ADAMTSL1: variants seen among roughly 807,000 people sequenced by gnomAD.
ADAMTSL1 encodes ADAMTS like 1, also known as ADAMTS-like protein 1.
A neutral mutation model predicts 201.8 loss-of-function variants in ADAMTSL1; 126 were observed. That is an observed-to-expected ratio of 0.62 (90% CI 0.54 to 0.72). The LOEUF is 0.72. ADAMTSL1 is among the 30% of genes least tolerant of loss of function. The probability of loss-of-function intolerance (pLI) is 0.00; values close to 1 mark genes in which losing one functional copy is unlikely to be tolerated. For missense variants in ADAMTSL1, 2,679 were observed against 2,277.8 expected (o/e 1.18, Z -3.59); for synonymous variants, 1,121 against 903.4 (o/e 1.24, Z -4.32).
chr9:18,645,570 G>A (rs1010494650), intron 7 of ADAMTSL1, among the ~76,000 whole-genome samples: 3 of 151,728 alleles, frequency 2.0e-5, no homozygotes, highest in South Asian at 4.1e-4. Flanking sequence ...TTTGTATAAG[G>A]TGTGAGGAAG....
chr9:18,079,250 T>A (rs141657710), intron 1 of ADAMTSL1, among the ~76,000 whole-genome samples: 1 of 152,364 alleles, frequency 6.6e-6, no homozygotes, highest in East Asian at 1.9e-4. Flanking sequence ...TTAAATCTCA[T>A]AAAGTAATTT....
At chr9:17,927,476 T>C (rs987457557) in intron 1 of ADAMTSL1, among the ~76,000 whole-genome samples, 9 of 151,608 alleles carry the variant, frequency 5.9e-5, no homozygotes, top group African/African-American at 1.9e-4. Context: ...GAATATTTTA[T>C]ATAAATGTAT....
intron 2 of ADAMTSL1, among the ~76,000 whole-genome samples, chr9:18,336,110 C>T (rs2059222844): frequency 6.6e-6 from 1 of 152,064 alleles, no homozygotes; most frequent in Non-Finnish European, 1.5e-5. Context: ...TAAGCCTTAT[C>T]CCAAAACTTA....
intron 1 of ADAMTSL1, among the ~76,000 whole-genome samples, chr9:18,496,877 G>A (rs4961654): frequency 0.41 from 63,094 of 152,052 alleles, 13,219 homozygotes; most frequent in Admixed American, 0.48. Context: ...ACGGACCTCT[G>A]GTTAGATTAG....
rs190540846 is a variant in ADAMTSL1 at position 17,981,905 on chromosome 9, A to T, written c.87+74983A>T. ...TATTTGGGCACCTATTTAGAGTATA[A>T]GACTCCCCACCATGGTTGGACTTTG... On this transcript the variant is annotated intron_variant, in intron 1 of 29. Coordinates refer to the ADAMTSL1 transcript ENST00000680146. Among the ~76,000 whole-genome samples, 4 of 152,294 alleles carry T rather than the reference A, an allele frequency of 2.6e-5. No homozygotes were observed. In the East Asian group the frequency reaches 7.7e-4, roughly 29 times the overall value.
intron 7 of ADAMTSL1, among the ~76,000 whole-genome samples, chr9:18,640,601 C>T (rs1444508474): frequency 6.6e-6 from 1 of 152,076 alleles, no homozygotes. Context: ...ATAGGCACAA[C>T]AAGCCCGACA....
intron 1 of ADAMTSL1, among the ~76,000 whole-genome samples, chr9:18,480,064 G>A (rs957137462): frequency 3.9e-5 from 6 of 152,092 alleles, no homozygotes; most frequent in African/African-American, 1.4e-4. Context: ...TATCCATTTA[G>A]TTCTCAAATA....
intron 2 of ADAMTSL1, among the ~76,000 whole-genome samples, chr9:18,319,695 A>G (rs564200351): frequency 2.8e-4 from 43 of 152,320 alleles, no homozygotes; most frequent in African/African-American, 1.0e-3. Flanking sequence ...TAGATTTCAC[A>G]TGGAAGAACA....
chr9:17,940,602 G>A (rs1827196005), intron 1 of ADAMTSL1, among the ~76,000 whole-genome samples: 1 of 151,358 alleles, frequency 6.6e-6, no homozygotes, highest in East Asian at 2.0e-4. Flanking sequence ...AAGGCATTTG[G>A]AAATGCAAGA....
intron 2 of ADAMTSL1, among the ~76,000 whole-genome samples, chr9:18,214,068 A>ACGTAT (rs1208969469): frequency 6.6e-6 from 1 of 152,108 alleles, no homozygotes; most frequent in Non-Finnish European, 1.5e-5. Context: ...TTAAAATTTT[A>ACGTAT]CGTATTTAGT....
chr9:18,061,124 G>A (rs1822435377), intron 1 of ADAMTSL1, among the ~76,000 whole-genome samples: 1 of 152,110 alleles, frequency 6.6e-6, no homozygotes, highest in Non-Finnish European at 1.5e-5. Context: ...TCAAGGCAGG[G>A]GTTGGAGGGA....
chr9:18,377,931 A>C (rs1301029517), intron 2 of ADAMTSL1, among the ~76,000 whole-genome samples: 1 of 151,946 alleles, frequency 6.6e-6, no homozygotes, highest in African/African-American at 2.4e-5. Flanking sequence ...CTCCCCCTCA[A>C]TTCTGTCTCT....
At chr9:18,800,028 C>G (rs984738972) in intron 20 of ADAMTSL1, among the ~76,000 whole-genome samples, 1 of 152,024 alleles carries the variant, frequency 6.6e-6, no homozygotes, top group East Asian at 1.9e-4. Context: ...CACAGAGGAC[C>G]TAGTCAACAA....
At chr9:18,817,724 A>G (rs944553382) in intron 21 of ADAMTSL1, among the ~76,000 whole-genome samples, 5 of 152,244 alleles carry the variant, frequency 3.3e-5, no homozygotes, top group South Asian at 2.1e-4. Context: ...GGGAAATACT[A>G]GGACAGAAAG....
chr9:18,611,316 A>G (rs553069257), intron 4 of ADAMTSL1, among the ~76,000 whole-genome samples: 2 of 152,294 alleles, frequency 1.3e-5, no homozygotes, highest in Admixed American at 1.3e-4. Context: ...TTTGTTTCGC[A>G]TTCTCCAGAC....
At chr9:18,125,217 T>C (rs1004326796) in intron 1 of ADAMTSL1, among the ~76,000 whole-genome samples, 2 of 152,132 alleles carry the variant, frequency 1.3e-5, no homozygotes, top group African/African-American at 4.8e-5. Context: ...CTTACACGGA[T>C]GGCAGCAGGG....
intron 1 of ADAMTSL1, among the ~76,000 whole-genome samples, chr9:18,080,224 GTGATCAC>G (rs1823431966): frequency 1.3e-5 from 2 of 152,312 alleles, no homozygotes; most frequent in South Asian, 4.1e-4. Flanking sequence ...ACAAAGAGTA[GTGATCAC>G]AAAGTTGGTA....
chr9:18,364,310 A>G (rs1013944044), intron 2 of ADAMTSL1, among the ~76,000 whole-genome samples: 3 of 152,162 alleles, frequency 2.0e-5, no homozygotes, highest in African/African-American at 7.2e-5. Flanking sequence ...ATGACTCTGA[A>G]TAGAAAAATT....
intron 1 of ADAMTSL1, among the ~76,000 whole-genome samples, chr9:17,917,071 A>G (rs886452513): frequency 6.6e-5 from 10 of 152,120 alleles, no homozygotes; most frequent in African/African-American, 1.7e-4. Context: ...TTTTGTTAGT[A>G]TACAAAAATA....
Sources: gnomAD v4.1 joint callset for allele counts (sites outside exome capture counted in the v4.1 genomes callset) on GRCh38, gnomAD v4.1.1 for gene constraint, MANE v1.5 for transcripts, NCBI Gene and HGNC (gene_info 2026-07-23, HGNC 2026-07-21) for gene names.